Variants in APBB2 observed in about 807,000 individuals in gnomAD.
The protein encoded by APBB2 is amyloid beta precursor protein binding family B member 2.
A neutral mutation model predicts 82.5 loss-of-function variants in APBB2; 38 were observed. The observed-to-expected ratio is 0.46, with a 90% CI of 0.36 to 0.60. The LOEUF is 0.60. APBB2 is among the 20% of genes least tolerant of loss of function. APBB2 has a pLI of 0.00. For missense variants in APBB2, 772 were observed against 972.3 expected (o/e 0.79, Z 2.74); for synonymous variants, 341 against 368.2 (o/e 0.93, Z 0.85).
chr4:41,211,101 A>G (rs1779210651), intron 1 of APBB2, among the ~76,000 whole-genome samples: 1 of 151,982 alleles, frequency 6.6e-6, no homozygotes, highest in Non-Finnish European at 1.5e-5. Context: ...CTAAAATTAC[A>G]AAAATTAGCC....
intron 2 of APBB2, among the ~76,000 whole-genome samples, chr4:41,128,294 A>C (rs1754975953): frequency 6.6e-6 from 1 of 152,202 alleles, no homozygotes; most frequent in Admixed American, 6.5e-5. Context: ...TTTGGAGCAA[A>C]GGAACACTTC....
chr4:40,820,739 C>T (rs1202779247), intron 17 of APBB2, among the ~76,000 whole-genome samples: 1 of 152,134 alleles, frequency 6.6e-6, no homozygotes, highest in Middle Eastern at 3.2e-3. Context: ...TGAAGAAAAT[C>T]AGGCCCCCAC....
At chr4:41,170,365 G>C (rs893535363) in intron 1 of APBB2, among the ~76,000 whole-genome samples, 2 of 152,150 alleles carry the variant, frequency 1.3e-5, no homozygotes, top group African/African-American at 4.8e-5. Flanking sequence ...CATAGTCTCA[G>C]GGTCAACATT....
At chr4:40,923,496 A>G (rs10805147) in intron 10 of APBB2, among the ~76,000 whole-genome samples, 120,078 of 152,146 alleles carry the variant, frequency 0.79, 47,540 homozygotes, top group South Asian at 0.86. Context: ...TGGATGTCCC[A>G]TGGCTACTCC....
chr4:41,128,781 T>C (rs900759517), intron 2 of APBB2, among the ~76,000 whole-genome samples: 2 of 152,160 alleles, frequency 1.3e-5, no homozygotes, highest in Non-Finnish European at 2.9e-5. Flanking sequence ...CCCTTCCAAC[T>C]TTCCTGGTTG....
At chr4:40,875,044 G>A (rs762541219) in intron 12 of APBB2, among the ~76,000 whole-genome samples, 10 of 152,222 alleles carry the variant, frequency 6.6e-5, no homozygotes, top group Non-Finnish European at 8.8e-5. Flanking sequence ...GGCACAGTCC[G>A]GTGCAGCTGG....
chr4:41,121,893 TTGTGTGTGTGTGTGTGTATG>T (rs887435560), intron 2 of APBB2, among the ~76,000 whole-genome samples: 1 of 150,282 alleles, frequency 6.7e-6, no homozygotes, highest in Non-Finnish European at 1.5e-5. Flanking sequence ...CCTTTTTTGG[TTGTGTGTGTGTGTGTGTATG>T]TGTGTATGTG....
chr4:41,174,632 C>T (rs1769268629), intron 1 of APBB2, among the ~76,000 whole-genome samples: 1 of 152,176 alleles, frequency 6.6e-6, no homozygotes, highest in African/African-American at 2.4e-5. Flanking sequence ...GACATGGTTG[C>T]ATCACCTAAG....
At chr4:40,993,269 T>C (rs1258561670) in intron 6 of APBB2, among the ~76,000 whole-genome samples, 1 of 152,024 alleles carries the variant, frequency 6.6e-6, no homozygotes, top group Non-Finnish European at 1.5e-5. Context: ...GTAAAGCTTA[T>C]GGCACAAATT....
intron 5 of APBB2, among the ~76,000 whole-genome samples, chr4:41,029,357 AAG>A (rs1715773552): frequency 6.6e-6 from 1 of 152,248 alleles, no homozygotes; most frequent in African/African-American, 2.4e-5. Context: ...CTGTGAACAA[AAG>A]AGGCAAAAGT....
rs13102449 is a variant in APBB2, at chr4:40,915,471, G to A, written c.1254+18985C>T. ...TGATCCTAGTGAGTGTTAAATGAAT[G>A]TATATCTGCGAAGTTGGCCTTAAAA... On this transcript the variant is annotated intron_variant, in intron 10 of 17. Transcript: ENST00000508593. Among the ~76,000 whole-genome samples, 4 of 152,106 alleles carry A rather than the reference G, an allele frequency of 2.6e-5. No homozygotes were observed. In the East Asian group the frequency reaches 7.7e-4, roughly 29 times the overall value.
At chr4:41,044,782 T>C (rs1036969932) in intron 4 of APBB2, among the ~76,000 whole-genome samples, 6 of 152,188 alleles carry the variant, frequency 3.9e-5, no homozygotes, top group African/African-American at 1.4e-4. Flanking sequence ...TTTCTTCTTT[T>C]TAACCCAATA....
Position 40,953,190 on chromosome 4 carries a change from T to C in APBB2, c.836-8117A>G, listed in dbSNP as rs1346099178. Among the ~76,000 whole-genome samples, 6 of 149,920 alleles carry C rather than the reference T, an allele frequency of 4.0e-5. No individual in the cohort carries two copies. In the East Asian group the frequency reaches 9.8e-4, roughly 25 times the overall value. On this transcript the variant is annotated intron_variant, in intron 6 of 17. Transcript: ENST00000508593. Reference sequence around the variant, plus strand: ...GTGGGCACCTGTAATCCCAGCTACTTAGAAGGCTGAGGTAGGGGAATCACC... The same window carrying C: ...GTGGGCACCTGTAATCCCAGCTACTCAGAAGGCTGAGGTAGGGGAATCACC...
At chr4:41,077,171 A>AT (rs368187037) in intron 3 of APBB2, among the ~76,000 whole-genome samples, 4,803 of 129,964 alleles carry the variant, frequency 0.037, 196 homozygotes, top group African/African-American at 0.089. Flanking sequence ...CACCCAGCTA[A>AT]TTTTTTTTTT....
intron 12 of APBB2, chr4:40,879,942 T>G (rs1767975208): frequency 1.1e-6 from 1 of 915,506 alleles, no homozygotes; most frequent in Admixed American, 6.2e-5. Flanking sequence ...TCTGCCCGCC[T>G]CAGCCTCTCA....
chr4:40,940,746 T>C (rs1786671030), intron 7 of APBB2, among the ~76,000 whole-genome samples: 1 of 152,198 alleles, frequency 6.6e-6, no homozygotes, highest in Non-Finnish European at 1.5e-5. Context: ...GCCTTCTCCA[T>C]ACTTTCTTCT....
intron 10 of APBB2, among the ~76,000 whole-genome samples, chr4:40,917,798 CT>C (rs1780210859): frequency 1.3e-5 from 2 of 152,192 alleles, no homozygotes; most frequent in South Asian, 4.1e-4. Context: ...TAATGGTGAA[CT>C]TCTTAAGAAA....
chr4:41,057,661 G>A (rs1728295464), intron 4 of APBB2, among the ~76,000 whole-genome samples: 1 of 152,160 alleles, frequency 6.6e-6, no homozygotes, highest in African/African-American at 2.4e-5. Context: ...GCAAAGGAAG[G>A]TCAGCAGAGT....
intron 4 of APBB2, among the ~76,000 whole-genome samples, chr4:41,036,556 G>A (rs1300058379): frequency 2.0e-5 from 3 of 152,194 alleles, no homozygotes. Context: ...CAGCCTAGTT[G>A]TTGGGGAGAT....
Sources: gnomAD v4.1 joint callset for allele counts (sites outside exome capture counted in the v4.1 genomes callset) on GRCh38, gnomAD v4.1.1 for gene constraint, MANE v1.5 for transcripts, NCBI Gene and HGNC (gene_info 2026-07-23, HGNC 2026-07-21) for gene names.